INPP4B: variants seen among roughly 807,000 people sequenced by gnomAD.
INPP4B encodes the protein inositol polyphosphate 4-phosphatase type II.
Under a neutral mutation model 122.5 loss-of-function variants are expected in INPP4B, and 55 were observed. That is an observed-to-expected ratio of 0.45 (90% confidence interval 0.36 to 0.56). The LOEUF (loss-of-function observed/expected upper bound fraction) is 0.56, where lower values mean the gene tolerates loss of function less well. Ranked by LOEUF, INPP4B falls within the 20% of genes least tolerant of loss-of-function variation. The pLI, the probability that INPP4B is intolerant of heterozygous loss-of-function variation, is 0.00. For missense variants in INPP4B, 1,000 were observed against 1,097.7 expected, an observed-to-expected ratio of 0.91 and a Z score of 1.26; for synonymous variants, 403 against 388.7, an observed-to-expected ratio of 1.04 and a Z score of -0.43.
chr4:142,699,110 C>T (rs142655331), intron 2 of INPP4B, among the ~76,000 whole-genome samples: 147 of 152,240 alleles, frequency 9.7e-4, no homozygotes, highest in South Asian at 1.7e-3. Context: ...GTGGTAGAGA[C>T]AGTGGTCAGA....
At chr4:142,456,817 A>G (rs1461907823) in intron 3 of INPP4B, among the ~76,000 whole-genome samples, 1 of 152,096 alleles carries the variant, frequency 6.6e-6, no homozygotes, top group Non-Finnish European at 1.5e-5. Context: ...CCAAGCAAGA[A>G]TTTTAGTAGA....
At chr4:142,079,169 G>C (rs888097543) in intron 25 of INPP4B, among the ~76,000 whole-genome samples, 1 of 151,946 alleles carries the variant, frequency 6.6e-6, no homozygotes, top group Non-Finnish European at 1.5e-5. Flanking sequence ...ATAGATTTAA[G>C]GGGTACAGGT....
At chr4:142,795,237 T>C in intron 1 of INPP4B, 1 of 151,986 alleles carries the variant, frequency 6.6e-6, no homozygotes. Context: ...AGATATTCTT[T>C]AGGATAAAGA....
chr4:142,465,795 C>T (rs1422421231), intron 2 of INPP4B, among the ~76,000 whole-genome samples: 4 of 152,158 alleles, frequency 2.6e-5, no homozygotes, highest in African/African-American at 4.8e-5. Flanking sequence ...TGAGTTCTTG[C>T]TCCAAGTTCA....
chr4:142,548,343 G>A (rs1727119933), intron 2 of INPP4B, among the ~76,000 whole-genome samples: 2 of 152,080 alleles, frequency 1.3e-5, no homozygotes. Context: ...AACAATGAAA[G>A]TATTCAAAGA....
chr4:142,458,021 T>C (rs990130524), intron 3 of INPP4B, among the ~76,000 whole-genome samples: 1 of 152,200 alleles, frequency 6.6e-6, no homozygotes, highest in Non-Finnish European at 1.5e-5. Context: ...CAGATGCTTT[T>C]AGTGGCTTTT....
At chr4:142,399,188 G>GTTT (rs1562013473) in intron 7 of INPP4B, among the ~76,000 whole-genome samples, 1 of 63,980 alleles carries the variant, frequency 1.6e-5, no homozygotes, top group Non-Finnish European at 3.2e-5. Flanking sequence ...ATTTCCTTTT[G>GTTT]CTTTTTTTTT....
chr4:142,782,153 C>T (rs1208799842), intron 1 of INPP4B, among the ~76,000 whole-genome samples: 99 of 147,706 alleles, frequency 6.7e-4, no homozygotes, highest in African/African-American at 1.1e-3. Context: ...CCACAACAGT[C>T]CCCAGAGTGT....
At chr4:142,093,892 A>AG (rs1169101063) in intron 23 of INPP4B, among the ~76,000 whole-genome samples, 1 of 85,406 alleles carries the variant, frequency 1.2e-5, no homozygotes, top group East Asian at 3.3e-4. Context: ...CCATAGCAAA[A>AG]GGAAAAAAAC....
At chr4:142,829,910 T>C (rs1472213242) in intron 1 of INPP4B, among the ~76,000 whole-genome samples, 2 of 152,220 alleles carry the variant, frequency 1.3e-5, no homozygotes, top group African/African-American at 4.8e-5. Context: ...TATTTCTATA[T>C]GCCATTAACA....
chr4:142,564,451 A>AAGAAAGAAAGAAAGAAAGAAAG (rs754667684), intron 2 of INPP4B, among the ~76,000 whole-genome samples: 17 of 131,686 alleles, frequency 1.3e-4, no homozygotes, highest in African/African-American at 3.7e-4. Flanking sequence ...AAAAAAAAAA[A>AAGAAAGAAAGAAAGAAAGAAAG]AAAGAAAGAA....
intron 16 of INPP4B, among the ~76,000 whole-genome samples, chr4:142,165,244 G>GCA (rs1822165046): frequency 2.1e-3 from 2 of 958 alleles, no homozygotes; most frequent in East Asian, 0.17. Flanking sequence ...AGTATCATTA[G>GCA]TACTCAGAGT....
chr4:142,706,081 G>C (rs1001808777), intron 2 of INPP4B, among the ~76,000 whole-genome samples: 3 of 152,172 alleles, frequency 2.0e-5, no homozygotes, highest in African/African-American at 7.2e-5. Context: ...CTGTTATACT[G>C]ACAGGTAATT....
In INPP4B at chr4:142,640,578, A is replaced by T. The variant is rs189510792; in HGVS notation, c.-191+85261T>A. 1.2e-3 allele frequency among the ~76,000 whole-genome samples: 185 copies of T among 152,222 alleles called. No individual in the cohort carries two copies. In the Middle Eastern group the frequency reaches 0.017, roughly 14 times the overall value. On this transcript the variant is annotated intron_variant, in intron 2 of 25. Coordinates refer to ENST00000262992, the MANE Select transcript of INPP4B (RefSeq NM_001101669.3). ...AATTTAGCAAAGGGAAAAATTCCTTACAAGAATTTAAAAAGCACCAAACAT... is the reference window on the plus strand; with the variant it reads ...AATTTAGCAAAGGGAAAAATTCCTTTCAAGAATTTAAAAAGCACCAAACAT...
chr4:142,097,500 AC>A, intron 23 of INPP4B, among the ~76,000 whole-genome samples: 1 of 151,880 alleles, frequency 6.6e-6, no homozygotes, highest in East Asian at 1.9e-4. Flanking sequence ...CAGGTGATCC[AC>A]CCACCTCAGC....
At chr4:142,398,889 T>C (rs1371125689) in intron 7 of INPP4B, among the ~76,000 whole-genome samples, 1 of 152,182 alleles carries the variant, frequency 6.6e-6, no homozygotes, top group East Asian at 1.9e-4. Context: ...GTTTCTGTCC[T>C]ATAAGCAAAG....
intron 2 of INPP4B, among the ~76,000 whole-genome samples, chr4:142,564,455 G>GAAAAA (rs1731176894): frequency 8.6e-6 from 1 of 116,574 alleles, no homozygotes; most frequent in South Asian, 2.8e-4. Context: ...AAAAAAAAAA[G>GAAAAA]AAAGAAAGAA....
At chr4:142,569,969 A>G (rs1732468823) in intron 2 of INPP4B, among the ~76,000 whole-genome samples, 1 of 152,128 alleles carries the variant, frequency 6.6e-6, no homozygotes, top group African/African-American at 2.4e-5. Context: ...CTCCAATATA[A>G]TTTATTGACT....
At chr4:142,321,120 C>T (rs77247257) in intron 7 of INPP4B, among the ~76,000 whole-genome samples, 1 of 152,108 alleles carries the variant, frequency 6.6e-6, no homozygotes, top group African/African-American at 2.4e-5. Flanking sequence ...CACATCCACA[C>T]CAACATCTAT....
Sources: gnomAD v4.1 joint callset for allele counts (sites outside exome capture counted in the v4.1 genomes callset) on GRCh38, gnomAD v4.1.1 for gene constraint, MANE v1.5 for transcripts, NCBI Gene and HGNC (gene_info 2026-07-23, HGNC 2026-07-21) for gene names.